ABCD3: variants seen among roughly 807,000 people sequenced by gnomAD.
ABCD3 encodes the protein ATP binding cassette subfamily D member 3.
Under a neutral mutation model 105.5 loss-of-function variants are expected in ABCD3, and 41 were observed. The ratio of observed to expected loss-of-function variants is 0.39; its 90% CI spans 0.30 to 0.50. The LOEUF is 0.50. ABCD3 is among the 20% of genes least tolerant of loss of function. ABCD3 has a pLI of 0.84. For synonymous variants in ABCD3, 258 were observed against 269.0 expected (o/e 0.96, Z 0.40); for missense variants, 622 against 806.3 (o/e 0.77, Z 2.77).
chr1:94,495,000 G>A (rs1431024666), intron 16 of ABCD3, among the ~76,000 whole-genome samples: 1 of 152,142 alleles, frequency 6.6e-6, no homozygotes, highest in Non-Finnish European at 1.5e-5. Context: ...AGGATCGCTT[G>A]TGCCAGTGAG....
At chr1:94,467,198 A>G (rs1648181529) in intron 3 of ABCD3, among the ~76,000 whole-genome samples, 1 of 152,108 alleles carries the variant, frequency 6.6e-6, no homozygotes, top group Non-Finnish European at 1.5e-5. Flanking sequence ...TATGATTTTA[A>G]TCCCTTTTTT....
chr1:94,431,461 T>C (rs1407362543), intron 1 of ABCD3, among the ~76,000 whole-genome samples: 2 of 152,190 alleles, frequency 1.3e-5, no homozygotes, highest in Non-Finnish European at 2.9e-5. Context: ...AAGAAACTCA[T>C]AGACTATTGA....
At chr1:94,504,219 G>A (rs368391397) in intron 20 of ABCD3, among the ~76,000 whole-genome samples, 10 of 152,072 alleles carry the variant, frequency 6.6e-5, no homozygotes, top group East Asian at 3.9e-4. Flanking sequence ...CCAGGTACAA[G>A]CAATTCTTGT....
At chr1:94,486,058 G>A (rs533873713) in intron 10 of ABCD3, among the ~76,000 whole-genome samples, 1 of 152,076 alleles carries the variant, frequency 6.6e-6, no homozygotes, top group East Asian at 1.9e-4. Flanking sequence ...CGGTTGTTGT[G>A]GCGGGGGCCT....
intron 1 of ABCD3, among the ~76,000 whole-genome samples, chr1:94,434,969 G>T (rs889994030): frequency 6.6e-6 from 1 of 151,442 alleles, no homozygotes; most frequent in Non-Finnish European, 1.5e-5. Flanking sequence ...ATTTAGTTGT[G>T]TTTGTGGTTT....
chr1:94,424,584 G>C (rs945573477), intron 1 of ABCD3, among the ~76,000 whole-genome samples: 2 of 151,904 alleles, frequency 1.3e-5, no homozygotes, highest in African/African-American at 4.8e-5. Flanking sequence ...CACCACACCT[G>C]GCTAATATTT....
chr1:94,385,839 T>C, the ABCD3 span, among the ~76,000 whole-genome samples: 1 of 152,080 alleles, frequency 6.6e-6, no homozygotes, highest in African/African-American at 2.4e-5. Context: ...TATAGATATA[T>C]GTCTATATAT....
At chr1:94,496,703 T>G (rs940105407) in intron 16 of ABCD3, among the ~76,000 whole-genome samples, 2 of 133,968 alleles carry the variant, frequency 1.5e-5, no homozygotes, top group African/African-American at 2.9e-5. Flanking sequence ...TGTTTTTTTT[T>G]TTTTTTTTTT....
At chr1:94,496,901 G>A (rs1034859712) in intron 16 of ABCD3, among the ~76,000 whole-genome samples, 45 of 151,488 alleles carry the variant, frequency 3.0e-4, no homozygotes, top group African/African-American at 1.1e-3. Context: ...CTGAGTAGCT[G>A]GGATTACAGG....
intron 1 of ABCD3, chr1:94,455,914 G>A: frequency 9.5e-7 from 1 of 1,057,280 alleles, no homozygotes; most frequent in Non-Finnish European, 1.2e-6. Context: ...GGTAAGCAGT[G>A]TGGCATTTTT....
At chr1:94,405,310 CTTTTTTTTT>C in the ABCD3 span, among the ~76,000 whole-genome samples, 1 of 124,960 alleles carries the variant, frequency 8.0e-6, no homozygotes, top group South Asian at 2.7e-4. Flanking sequence ...CATTATCAAG[CTTTTTTTTT>C]TTTTTTTTGA....
intron 1 of ABCD3, among the ~76,000 whole-genome samples, chr1:94,453,559 C>G (rs1647371045): frequency 6.6e-6 from 1 of 151,984 alleles, no homozygotes; most frequent in Non-Finnish European, 1.5e-5. Flanking sequence ...ACCTCGTGAT[C>G]CGCCCACCTC....
chr1:94,487,405 C>G, intron 10 of ABCD3, 137 bp from the exon 11 acceptor site: 1 of 822,080 alleles, frequency 1.2e-6, no homozygotes. Context: ...ACAATATAAA[C>G]AGAATATAAA....
At chr1:94,396,188 A>G in the ABCD3 span, among the ~76,000 whole-genome samples, 2 of 152,158 alleles carry the variant, frequency 1.3e-5, no homozygotes, top group Non-Finnish European at 2.9e-5. Context: ...CTCAATTACT[A>G]GCTGTGTGAG....
intron 1 of ABCD3, among the ~76,000 whole-genome samples, chr1:94,454,644 A>G (rs886098229): frequency 1.3e-5 from 2 of 152,112 alleles, no homozygotes; most frequent in Non-Finnish European, 1.5e-5. Flanking sequence ...CTAAATTCTT[A>G]TAGAACTTAC....
the ABCD3 span, among the ~76,000 whole-genome samples, chr1:94,394,573 T>C: frequency 6.6e-6 from 1 of 152,178 alleles, no homozygotes; most frequent in Non-Finnish European, 1.5e-5. Flanking sequence ...AATGTAGCCA[T>C]TGGCAGATTT....
chr1:94,403,176 T>G, the ABCD3 span, among the ~76,000 whole-genome samples: 2 of 152,098 alleles, frequency 1.3e-5, no homozygotes, highest in African/African-American at 4.8e-5. Context: ...CCTCCCTTTT[T>G]AAACAAAATG....
intron 1 of ABCD3, among the ~76,000 whole-genome samples, chr1:94,423,791 T>C (rs187425013): frequency 6.4e-4 from 98 of 152,278 alleles, no homozygotes; most frequent in Middle Eastern, 3.4e-3. Flanking sequence ...GGTGTCCTTA[T>C]ATCTCCAGCT....
chr1:94,472,299 T>G (rs1456884289), intron 4 of ABCD3: 1 of 812,748 alleles, frequency 1.2e-6, no homozygotes, highest in Non-Finnish European at 1.5e-6. Flanking sequence ...TGGGCAGCAC[T>G]AAAGCACTTT....
Sources: gnomAD v4.1 joint callset for allele counts (sites outside exome capture counted in the v4.1 genomes callset) on GRCh38, gnomAD v4.1.1 for gene constraint, MANE v1.5 for transcripts, NCBI Gene and HGNC (gene_info 2026-07-23, HGNC 2026-07-21) for gene names.